YIPF7: variants seen among roughly 807,000 people sequenced by gnomAD.
YIPF7 encodes Yip1 domain family member 7.
Under a neutral mutation model 27.2 loss-of-function variants are expected in YIPF7, and 35 were observed. That is an observed-to-expected ratio of 1.29 (90% CI 0.98 to 1.70). The LOEUF is 1.70. Ranked by LOEUF, YIPF7 falls within the 40% of genes most tolerant of loss-of-function variation. YIPF7 has a pLI of 0.00. For missense variants in YIPF7, 358 were observed against 303.7 expected (o/e 1.18, Z -1.33); for synonymous variants, 137 against 110.4 (o/e 1.24, Z -1.51).
intron 2 of YIPF7, among the ~76,000 whole-genome samples, chr4:44,656,634 A>T (rs572563429): frequency 6.6e-6 from 1 of 152,206 alleles, no homozygotes; most frequent in South Asian, 2.1e-4. Context: ...AACTGGATCA[A>T]CAGCAAGCAT....
At chr4:44,631,491 C>G (rs1259787453) in intron 3 of YIPF7, among the ~76,000 whole-genome samples, 1 of 152,092 alleles carries the variant, frequency 6.6e-6, no homozygotes, top group East Asian at 1.9e-4. Flanking sequence ...GACCCTTATT[C>G]TAACAACTCA....
At chr4:44,629,106 A>G (rs1384355952) in intron 4 of YIPF7, 3 of 232,246 alleles carry the variant, frequency 1.3e-5, no homozygotes, top group Non-Finnish European at 2.5e-5. Context: ...TCCCAAATCT[A>G]TGTTTTCCTT....
rs772294751 is a variant in YIPF7 at position 44,629,390 on chromosome 4, T to C, written c.426+13A>G. 60 of 1,580,904 alleles carry C rather than the reference T, an allele frequency of 3.8e-5. No individual in the cohort carries two copies. Among genetic ancestry groups the C allele is most frequent in the Non-Finnish European group, 2.7e-5 (32 of 1,164,980 alleles). On this transcript the variant is annotated intron_variant, in intron 4 of 5. Transcript: ENST00000415895. ...ACAAGCATTAAAATCTGGTGCTTCCTGTGACACATTACCAGAAGCAAGGTG... is the reference window on the plus strand; with the variant it reads ...ACAAGCATTAAAATCTGGTGCTTCCCGTGACACATTACCAGAAGCAAGGTG...
chr4:44,654,523 T>C (rs965383078), upstream of YIPF7, among the ~76,000 whole-genome samples: 1 of 151,924 alleles, frequency 6.6e-6, no homozygotes, highest in African/African-American at 2.4e-5. Context: ...GTTGATCCTA[T>C]CTATTCCCAT....
intron 4 of YIPF7, among the ~76,000 whole-genome samples, chr4:44,628,291 A>G (rs908857755): frequency 6.6e-6 from 1 of 152,278 alleles, no homozygotes. Context: ...ATTATTGGCC[A>G]TATTGCCTAC....
At chr4:44,641,171 C>A (rs982095300) in intron 2 of YIPF7, among the ~76,000 whole-genome samples, 3 of 152,070 alleles carry the variant, frequency 2.0e-5, no homozygotes, top group African/African-American at 7.2e-5. Context: ...CTGGTCTTGG[C>A]CATGTATGCT....
intron 2 of YIPF7, among the ~76,000 whole-genome samples, chr4:44,639,423 A>T (rs1713249061): frequency 6.6e-6 from 1 of 152,086 alleles, no homozygotes; most frequent in African/African-American, 2.4e-5. Flanking sequence ...TGGCTAATAA[A>T]TGTATTCCTA....
intron 2 of YIPF7, among the ~76,000 whole-genome samples, chr4:44,645,044 C>T (rs1420537719): frequency 6.6e-6 from 1 of 152,196 alleles, no homozygotes. Context: ...TCCTCAGAAG[C>T]AGCTGCTGCC....
chr4:44,637,684 T>G (rs535229042), intron 2 of YIPF7, among the ~76,000 whole-genome samples: 33 of 152,186 alleles, frequency 2.2e-4, no homozygotes, highest in Non-Finnish European at 4.3e-4. Flanking sequence ...GATTTTGGTG[T>G]ACCCATCACC....
In YIPF7 at chr4:44,622,335, C is replaced by T. The variant is rs3213899; in HGVS notation, c.*79G>A. ...AAAAGCAATAAAACAGAAATCATAT[C>T]ACCAAATTTGAATGTTAATATATTT... On this transcript the variant is annotated 3_prime_UTR_variant, in exon 6 of 6. Coordinates refer to ENST00000415895, the MANE Select transcript of YIPF7 (RefSeq NM_182592.3). The T allele has an allele frequency of 1.1e-4, 162 of 1,476,172 alleles. 1 individual carries two copies. In the East Asian group the frequency reaches 4.0e-3, roughly 36 times the overall value. The allele number at this position is 1,476,172 out of a possible 1,614,324, so 91.4% of individuals were successfully genotyped here. A position where few individuals can be genotyped will look rare whatever the true frequency, so the allele number is the denominator to read the frequency against.
rs901725366 is a variant in YIPF7 at position 44,622,339 on chromosome 4, A to C, written c.*75T>G. On this transcript the variant is annotated 3_prime_UTR_variant, in exon 6 of 6. Transcript: ENST00000415895. ...GCAATAAAACAGAAATCATATCACC[A>C]AATTTGAATGTTAATATATTTCCAA... 1.5e-5 allele frequency: 22 copies of C among 1,490,454 alleles called. No homozygotes were observed. Among genetic ancestry groups the C allele is most frequent in the Non-Finnish European group, 1.9e-5 (21 of 1,112,912 alleles). 92.3% of individuals were successfully genotyped at this position (1,490,454 alleles called of 1,614,324 possible). A position where few individuals can be genotyped will look rare whatever the true frequency, so the allele number is the denominator to read the frequency against.
At chr4:44,626,825 G>A (rs1339988075) in intron 4 of YIPF7, among the ~76,000 whole-genome samples, 2 of 130,014 alleles carry the variant, frequency 1.5e-5, no homozygotes, top group African/African-American at 5.8e-5. Context: ...GCCCAGGCCG[G>A]AGGGCAGTGG....
intron 2 of YIPF7, among the ~76,000 whole-genome samples, chr4:44,641,110 T>C (rs1713308639): frequency 6.6e-6 from 1 of 152,130 alleles, no homozygotes. Flanking sequence ...GGACCACGTA[T>C]AGACTCTCAC....
chr4:44,649,479 A>G (rs1482736574), intron 2 of YIPF7, among the ~76,000 whole-genome samples: 1 of 152,208 alleles, frequency 6.6e-6, no homozygotes, highest in Non-Finnish European at 1.5e-5. Flanking sequence ...TCTTAAAACA[A>G]GAACAATACA....
At chr4:44,657,683 G>GA (rs1254420621) in intron 2 of YIPF7, among the ~76,000 whole-genome samples, 1 of 152,114 alleles carries the variant, frequency 6.6e-6, no homozygotes, top group Non-Finnish European at 1.5e-5. Flanking sequence ...TCATTCATAT[G>GA]AAAGGAAGAA....
chr4:44,635,260 AACAGCACATACAG>A (rs1310507501), intron 3 of YIPF7, among the ~76,000 whole-genome samples: 1 of 152,138 alleles, frequency 6.6e-6, no homozygotes, highest in African/African-American at 2.4e-5. Context: ...TAAGAGCAAA[AACAGCACATACAG>A]ACTGGCTACA....
upstream of YIPF7, among the ~76,000 whole-genome samples, chr4:44,653,675 T>A (rs1713805789): frequency 6.6e-6 from 1 of 152,150 alleles, no homozygotes; most frequent in African/African-American, 2.4e-5. Context: ...TTACTGAGGA[T>A]GATTTCTAGA....
chr4:44,639,390 C>T (rs1713247829), intron 2 of YIPF7, among the ~76,000 whole-genome samples: 1 of 151,932 alleles, frequency 6.6e-6, no homozygotes, highest in Admixed American at 6.6e-5. Context: ...TGTCATTTTC[C>T]TTGTAGATAT....
In YIPF7 at chr4:44,631,682, A is replaced by G. The variant is rs148079536; in HGVS notation, c.281-2134T>C. On this transcript the variant is annotated intron_variant, in intron 3 of 5. Coordinates refer to ENST00000415895, the MANE Select transcript of YIPF7 (RefSeq NM_182592.3). Reference sequence around the variant, plus strand: ...CTTGATTTGCACAGTGCAATTATATATTTATTAATGAACGTATGCTTTGAA... The same window carrying G: ...CTTGATTTGCACAGTGCAATTATATGTTTATTAATGAACGTATGCTTTGAA... Among the ~76,000 whole-genome samples the G allele has an allele frequency of 9.5e-4, 145 of 152,292 alleles. 3 individuals are homozygous for G. The East Asian group carries it at 0.023, about 24-fold the overall frequency.
Sources: gnomAD v4.1 joint callset for allele counts (sites outside exome capture counted in the v4.1 genomes callset) on GRCh38, gnomAD v4.1.1 for gene constraint, MANE v1.5 for transcripts, NCBI Gene and HGNC (gene_info 2026-07-23, HGNC 2026-07-21) for gene names.